Variants in ZSCAN5A observed in about 807,000 individuals in gnomAD.
ZSCAN5A encodes the protein zinc finger and SCAN domain-containing protein 5A.
A neutral mutation model predicts 23.7 loss-of-function variants in ZSCAN5A; 12 were observed. The observed-to-expected ratio is 0.51, with a 90% CI of 0.32 to 0.82. The LOEUF is 0.82. Ranked by LOEUF, ZSCAN5A falls within the 40% of genes least tolerant of loss-of-function variation. The pLI is 0.03. For synonymous variants in ZSCAN5A, 257 were observed against 239.9 expected (o/e 1.07, Z -0.66); for missense variants, 597 against 617.9 (o/e 0.97, Z 0.36).
At chr19:56,366,006 A>G (rs534317072) in intron 1 of ZSCAN5A, 2 of 152,340 alleles carry the variant, frequency 1.3e-5, no homozygotes, top group East Asian at 3.9e-4. Context: ...ATTCTGTTCA[A>G]TGCTCAGGAG....
chr19:56,292,667 T>C (rs1219036946), intron 2 of ZSCAN5A, among the ~76,000 whole-genome samples: 4 of 152,042 alleles, frequency 2.6e-5, no homozygotes, highest in African/African-American at 9.7e-5. Context: ...ACTCCAGAAC[T>C]TTATAATCAC....
rs185591746 is a variant in ZSCAN5A, at chr19:56,272,046, T to A, written c.-128+41237A>T. ...ATAGTATCACATTAGCCTGGAAATATCATTATCCCAACTTTATAGATCAAG... is the reference window on the plus strand; with the variant it reads ...ATAGTATCACATTAGCCTGGAAATAACATTATCCCAACTTTATAGATCAAG... On this transcript the variant is annotated intron_variant, in intron 2 of 5. Transcript: ENST00000683990. Among the ~76,000 whole-genome samples, 213 of 152,328 alleles carry A rather than the reference T, an allele frequency of 1.4e-3. 4 individuals carry two copies. The South Asian group carries it at 0.031, about 22-fold the overall frequency.
intron 2 of ZSCAN5A, among the ~76,000 whole-genome samples, chr19:56,342,040 T>C (rs1413118158): frequency 1.3e-5 from 2 of 152,192 alleles, no homozygotes; most frequent in South Asian, 2.1e-4. Flanking sequence ...AATTCTTTAG[T>C]GTATAAGTGT....
At chr19:56,248,809 C>T (rs545893048) in intron 2 of ZSCAN5A, among the ~76,000 whole-genome samples, 1 of 152,138 alleles carries the variant, frequency 6.6e-6, no homozygotes, top group Non-Finnish European at 1.5e-5. Context: ...ACTCCCTCCC[C>T]ACACGGCACA....
At chr19:56,343,418 A>G in intron 2 of ZSCAN5A, 1 of 520,872 alleles carries the variant, frequency 1.9e-6, no homozygotes, top group Non-Finnish European at 3.9e-6. Flanking sequence ...AACCAAAGCC[A>G]TGGTACGAAA....
At chr19:56,246,094 C>A (rs938398046) in intron 2 of ZSCAN5A, among the ~76,000 whole-genome samples, 46 of 152,074 alleles carry the variant, frequency 3.0e-4, no homozygotes, top group Admixed American at 2.8e-3. Flanking sequence ...CCACCAGGCA[C>A]AGGAGCTGAT....
chr19:56,285,060 T>C, intron 2 of ZSCAN5A: 12 of 980,260 alleles, frequency 1.2e-5, no homozygotes, highest in Non-Finnish European at 1.5e-5. Context: ...AACCTGGTCT[T>C]TCTCTTGTCC....
chr19:56,345,046 A>C (rs2041623037), intron 2 of ZSCAN5A, among the ~76,000 whole-genome samples: 1 of 151,966 alleles, frequency 6.6e-6, no homozygotes, highest in Non-Finnish European at 1.5e-5. Flanking sequence ...CGGAGCTTGC[A>C]CTGAGCAGAG....
At chr19:56,343,307 C>G in intron 2 of ZSCAN5A, 1 of 710,968 alleles carries the variant, frequency 1.4e-6, no homozygotes. Context: ...TTTCTGAAGA[C>G]TACTGGAGTG....
chr19:56,355,195 C>T (rs2041694090), intron 2 of ZSCAN5A, among the ~76,000 whole-genome samples: 2 of 133,120 alleles, frequency 1.5e-5, no homozygotes, highest in Admixed American at 7.1e-5. Flanking sequence ...CACATGAAGC[C>T]TCTAGCATTG....
At chr19:56,317,925 G>C (rs988975438), upstream of ZSCAN5A, 9 of 152,196 alleles carry the variant, frequency 5.9e-5, no homozygotes, top group African/African-American at 2.2e-4. Context: ...GGCCAGGAAG[G>C]TCTCCTATTT....
intron 2 of ZSCAN5A, among the ~76,000 whole-genome samples, chr19:56,270,597 T>C (rs2037777926): frequency 6.6e-6 from 1 of 152,210 alleles, no homozygotes; most frequent in Admixed American, 6.5e-5. Context: ...CATTTTTAAA[T>C]TGAGGTAAAA....
intron 2 of ZSCAN5A, chr19:56,247,055 C>T (rs776814174): frequency 2.5e-6 from 2 of 794,092 alleles, no homozygotes; most frequent in African/African-American, 1.7e-5. Flanking sequence ...GAACTGCTGC[C>T]CTTTGCATGT....
chr19:56,319,280 G>A (rs2041349284), upstream of ZSCAN5A, among the ~76,000 whole-genome samples: 1 of 151,852 alleles, frequency 6.6e-6, no homozygotes, highest in African/African-American at 2.4e-5. Context: ...GGTGGATCAC[G>A]AGGTCAGGAG....
In ZSCAN5A at chr19:56,222,630, C is replaced by T. The variant is rs573687081; in HGVS notation, c.700G>A (p.Gly234Arg). The stretch of plus-strand genomic sequence containing the variant: ...AGCTGAGGCTCTGGGGATGTCAGTC[C>T]TGGGTTCTCTTCCCTGTTTTCCTTC... ...DLKENREENP[G>R]LTSPEPQLPK... is the part of the protein sequence containing the mutation. Residue 234 changes from glycine to arginine, a missense_variant, in exon 5 of 6, where the codon GGA becomes AGA. This residue lies in a region of ZSCAN5A where 406 missense variants were observed against 353.2 expected (regional missense o/e 1.15). Coordinates refer to ENST00000683990, the MANE Select transcript of ZSCAN5A (RefSeq NM_001322064.3). The T allele has an allele frequency of 6.2e-6, 10 of 1,614,204 alleles. No individual in the cohort carries two copies. The South Asian group carries it at 1.1e-4, about 18-fold the overall frequency.
chr19:56,268,631 GAGGTAAAATTC>G (rs1306053177), intron 2 of ZSCAN5A, among the ~76,000 whole-genome samples: 2 of 151,926 alleles, frequency 1.3e-5, no homozygotes, highest in African/African-American at 4.8e-5. Context: ...TTTTTTAATT[GAGGTAAAATTC>G]ATATGATATA....
chr19:56,326,826 G>A (rs1194918003), intron 2 of ZSCAN5A, among the ~76,000 whole-genome samples: 2 of 152,100 alleles, frequency 1.3e-5, no homozygotes, highest in East Asian at 1.9e-4. Flanking sequence ...ATCATGCCAA[G>A]TCTTCTTCAT....
At chr19:56,308,010 C>T (rs975840376) in intron 2 of ZSCAN5A, among the ~76,000 whole-genome samples, 9 of 152,214 alleles carry the variant, frequency 5.9e-5, no homozygotes, top group Admixed American at 5.9e-4. Context: ...CTTGATCCCC[C>T]CACCCACATT....
intron 2 of ZSCAN5A, among the ~76,000 whole-genome samples, chr19:56,331,825 G>A (rs1182313267): frequency 4.0e-5 from 6 of 151,624 alleles, no homozygotes. Context: ...ACCTCAGGTG[G>A]TCCACCCGCC....
Sources: allele counts gnomAD v4.1 joint callset (sites outside exome capture counted in the v4.1 genomes callset), GRCh38; gene constraint gnomAD v4.1.1; regional missense constraint gnomAD v4.1.1; transcripts MANE v1.5; gene names NCBI Gene and HGNC (gene_info 2026-07-23, HGNC 2026-07-21).